SGCD: variants seen among roughly 807,000 people sequenced by gnomAD.
The protein encoded by SGCD is sarcoglycan delta, also known as delta-sarcoglycan.
In SGCD, 18 loss-of-function variants were observed where a neutral mutation model predicts 36.6. The observed-to-expected ratio is 0.49, with a 90% CI of 0.34 to 0.73. The LOEUF (loss-of-function observed/expected upper bound fraction) is 0.73. SGCD is among the 30% of genes least tolerant of loss of function. The pLI, the probability that SGCD is intolerant of heterozygous loss-of-function variation, is 0.01. For synonymous variants in SGCD, 133 were observed against 130.6 expected, an observed-to-expected ratio of 1.02 and a Z score of -0.12; for missense variants, 387 against 346.7, an observed-to-expected ratio of 1.12 and a Z score of -0.92.
the SGCD span, among the ~76,000 whole-genome samples, chr5:155,847,160 T>C: frequency 1.3e-5 from 2 of 152,212 alleles, no homozygotes; most frequent in African/African-American, 4.8e-5. Flanking sequence ...CATGTGCATG[T>C]GTGTCTTCAA....
intron 1 of SGCD, among the ~76,000 whole-genome samples, chr5:156,088,433 C>A (rs1761155966): frequency 6.6e-6 from 1 of 152,086 alleles, no homozygotes; most frequent in Non-Finnish European, 1.5e-5. Flanking sequence ...TGAAGACTTG[C>A]AAGTGTGGCC....
At position 155,939,856 on chromosome 5, in the gene SGCD, C is replaced by T. The variant is rs1179937126; in HGVS notation, c.-282+69432C>T. Among the ~76,000 whole-genome samples, 16 of 141,286 alleles carry T rather than the reference C, an allele frequency of 1.1e-4. No individual in the cohort carries two copies. The South Asian group carries it at 1.8e-3, about 16-fold the overall frequency. The allele number at this position is 141,286 out of a possible 152,430, so 92.7% of individuals were successfully genotyped here. ...AATGTCTCTTTTTTTTTTTTTTTGA[C>T]GGAGTCTCGCTCTGTCACCCAGGCT... On this transcript the variant is annotated intron_variant, in intron 1 of 9. Coordinates refer to the SGCD transcript ENST00000517913.
rs1313312653 is a variant in SGCD at position 156,504,396 on chromosome 5, A to G, written c.193-4205A>G. On this transcript the variant is annotated intron_variant, in intron 3 of 8. Coordinates refer to ENST00000337851, the MANE Select transcript of SGCD (RefSeq NM_000337.6). ...AGTATATGTGGGTGTGTGTGTGTAT[A>G]TATATATATATATATATATATATAT... Among the ~76,000 whole-genome samples, 17 of 17,264 alleles carry G rather than the reference A, an allele frequency of 9.8e-4. No individual in the cohort carries two copies. In the East Asian group the frequency reaches 0.02, roughly 20 times the overall value. 11.3% of individuals were successfully genotyped at this position (17,264 alleles called of 152,430 possible).
chr5:155,768,243 G>A, the SGCD span, among the ~76,000 whole-genome samples: 1 of 151,260 alleles, frequency 6.6e-6, no homozygotes, highest in African/African-American at 2.4e-5. Flanking sequence ...ATTTGATATT[G>A]GTAGTTTTTG....
intron 3 of SGCD, among the ~76,000 whole-genome samples, chr5:156,415,449 G>A (rs1364212846): frequency 2.6e-5 from 4 of 152,186 alleles, no homozygotes; most frequent in Admixed American, 6.5e-5. Flanking sequence ...ATTTGAGCAC[G>A]TGGTCTCAGG....
chr5:156,693,922 G>T (rs1196474512), intron 7 of SGCD, among the ~76,000 whole-genome samples: 3 of 152,046 alleles, frequency 2.0e-5, no homozygotes, highest in African/African-American at 4.8e-5. Flanking sequence ...AGAGAGGATG[G>T]GTAGCCTATT....
chr5:156,566,389 T>C (rs967786717), intron 4 of SGCD, among the ~76,000 whole-genome samples: 2 of 152,206 alleles, frequency 1.3e-5, no homozygotes, highest in African/African-American at 4.8e-5. Flanking sequence ...CACACCAGTT[T>C]TAAAGGCCCC....
intron 3 of SGCD, among the ~76,000 whole-genome samples, chr5:156,387,120 C>T (rs1354291442): frequency 6.6e-6 from 1 of 152,200 alleles, no homozygotes; most frequent in Non-Finnish European, 1.5e-5. Flanking sequence ...ATTTCCCTCT[C>T]ATTCATGCTT....
chr5:156,362,422 C>A (rs148532213), intron 3 of SGCD, among the ~76,000 whole-genome samples: 2 of 152,260 alleles, frequency 1.3e-5, no homozygotes, highest in East Asian at 3.9e-4. Context: ...CCCAGGCGGG[C>A]GGATCATGAG....
intron 3 of SGCD, among the ~76,000 whole-genome samples, chr5:156,277,075 G>T (rs1382582691): frequency 1.3e-5 from 2 of 152,110 alleles, no homozygotes; most frequent in East Asian, 3.9e-4. Context: ...GAAATGTAAG[G>T]CCCTGCCAGA....
At chr5:156,189,504 G>T (rs1339253721) in intron 3 of SGCD, among the ~76,000 whole-genome samples, 1 of 152,114 alleles carries the variant, frequency 6.6e-6, no homozygotes, top group Admixed American at 6.5e-5. Flanking sequence ...TGAGTATAAA[G>T]ATCATTTAAT....
At chr5:155,756,912 C>CT in the SGCD span, among the ~76,000 whole-genome samples, 1 of 152,096 alleles carries the variant, frequency 6.6e-6, no homozygotes, top group Non-Finnish European at 1.5e-5. Flanking sequence ...ACTACCCCTC[C>CT]TAGGAGCACC....
intron 4 of SGCD, among the ~76,000 whole-genome samples, chr5:156,542,216 T>C (rs1561766893): frequency 6.6e-6 from 1 of 152,104 alleles, no homozygotes; most frequent in African/African-American, 2.4e-5. Context: ...ATTGGGAAGA[T>C]GGATCTGTGG....
intron 4 of SGCD, among the ~76,000 whole-genome samples, chr5:156,559,381 C>A (rs894834139): frequency 6.6e-6 from 1 of 152,116 alleles, no homozygotes; most frequent in East Asian, 1.9e-4. Flanking sequence ...GACAACAATG[C>A]CTTATTGGTA....
At chr5:156,194,709 A>G (rs1229123824) in intron 3 of SGCD, among the ~76,000 whole-genome samples, 1 of 152,066 alleles carries the variant, frequency 6.6e-6, no homozygotes, top group East Asian at 1.9e-4. Flanking sequence ...ATAATATGAT[A>G]TAGTACTGTA....
intron 3 of SGCD, among the ~76,000 whole-genome samples, chr5:156,278,719 G>A (rs1766378445): frequency 6.6e-6 from 1 of 152,142 alleles, no homozygotes; most frequent in South Asian, 2.1e-4. Context: ...TCATTGCAGT[G>A]TAACTGCAGG....
intron 3 of SGCD, among the ~76,000 whole-genome samples, chr5:156,185,887 G>GAGAGAGAGA (rs1763745191): frequency 3.3e-4 from 3 of 9,158 alleles, no homozygotes; most frequent in Non-Finnish European, 5.2e-4. Flanking sequence ...AGAGAGAGAG[G>GAGAGAGAGA]GCCATGTCTC....
At chr5:156,477,467 T>C (rs894671462) in intron 3 of SGCD, among the ~76,000 whole-genome samples, 2 of 152,146 alleles carry the variant, frequency 1.3e-5, no homozygotes, top group Non-Finnish European at 2.9e-5. Context: ...ACAATCTCAT[T>C]TCAATTATTC....
intron 4 of SGCD, among the ~76,000 whole-genome samples, chr5:156,521,657 CG>C (rs1162613499): frequency 2.0e-5 from 3 of 152,160 alleles, no homozygotes; most frequent in Non-Finnish European, 4.4e-5. Flanking sequence ...TACCACCTCA[CG>C]GCAGTCAAAA....
Sources: gnomAD v4.1 joint callset for allele counts (sites outside exome capture counted in the v4.1 genomes callset) on GRCh38, gnomAD v4.1.1 for gene constraint, MANE v1.5 for transcripts, NCBI Gene and HGNC (gene_info 2026-07-23, HGNC 2026-07-21) for gene names.